The following ATM variants were observed in gnomAD, a reference collection of about 807,000 sequenced individuals.
ATM encodes the protein ATM serine/threonine kinase, also known as serine-protein kinase ATM.
A neutral mutation model predicts 387.0 loss-of-function variants in ATM; 308 were observed. The observed-to-expected ratio is 0.80, with a 90% CI of 0.73 to 0.87. The LOEUF is 0.87. Among genes scored for constraint, ATM ranks in the 40% least tolerant of loss-of-function variants. ATM has a pLI of 0.00. For synonymous variants in ATM, 1,156 were observed against 1,187.3 expected (o/e 0.97, Z 0.54); for missense variants, 3,312 against 3,560.9 (o/e 0.93, Z 1.78).
intron 33 of ATM, among the ~76,000 whole-genome samples, chr11:108,297,967 C>T (rs1053788908): frequency 1.3e-5 from 2 of 151,904 alleles, no homozygotes; most frequent in Non-Finnish European, 2.9e-5. Context: ...AATTGACTGC[C>T]GATATATTTT....
chr11:108,292,092 A>G (rs576837462), intron 29 of ATM, among the ~76,000 whole-genome samples: 55 of 152,304 alleles, frequency 3.6e-4, no homozygotes, highest in African/African-American at 1.3e-3. Context: ...GTTAAACAAA[A>G]CAGAGCTACG....
In ATM at chr11:108,367,224, T is replaced by TG. The variant is rs2091377668; in HGVS notation, c.*1717dup. ...GGATGGTCTCGATCGCTTGACCTCG[T>TG]GATCCACCCTCCTCGGCCTCCCAAA... On this transcript the variant is annotated 3_prime_UTR_variant, in exon 63 of 63. Coordinates refer to ENST00000675843, the MANE Select transcript of ATM (RefSeq NM_000051.4). 1 of 178,680 alleles carries TG rather than the reference T, an allele frequency of 5.6e-6. No individual in the cohort carries two copies. Among genetic ancestry groups the TG allele is most frequent in the African/African-American group, 2.4e-5 (1 of 42,294 alleles). The allele number at this position is 178,680 out of a possible 1,614,324, so 11.1% of individuals were successfully genotyped here. A position where few individuals can be genotyped will look rare whatever the true frequency, so the allele number is the denominator to read the frequency against.
At chr11:108,286,999 C>G (rs1268921582) in intron 26 of ATM, among the ~76,000 whole-genome samples, 1 of 152,042 alleles carries the variant, frequency 6.6e-6, no homozygotes, top group Non-Finnish European at 1.5e-5. Flanking sequence ...GTGAAGCTAC[C>G]TGTCTATAGT....
chr11:108,332,139 C>T (rs1261720941), intron 52 of ATM, 102 bp downstream of exon 52: 4 of 1,459,522 alleles, frequency 2.7e-6, no homozygotes, highest in Non-Finnish European at 3.7e-6. Context: ...CATCTAAAAT[C>T]GGTTCAAGGC....
intron 26 of ATM, 59 bp from the exon 27 acceptor site, chr11:108,287,541 C>A: frequency 9.0e-7 from 1 of 1,111,282 alleles, no homozygotes; most frequent in Non-Finnish European, 1.3e-6. Context: ...GCCTTTTGAG[C>A]TGTCTTGACG....
Position 108,317,102 on chromosome 11 carries a change from T to TAA in ATM, c.6199-271_6199-270insAA, listed in dbSNP as rs113573757. Among the ~76,000 whole-genome samples, 269 of 144,548 alleles carry TAA rather than the reference T, an allele frequency of 1.9e-3. 1 individual carries two copies. Among genetic ancestry groups the TAA allele is most frequent in the Middle Eastern group, 3.6e-3 (1 of 278 alleles). 94.8% of individuals were successfully genotyped at this position (144,548 alleles called of 152,430 possible). On this transcript the variant is annotated intron_variant, in intron 42 of 62. Coordinates refer to ENST00000675843, the MANE Select transcript of ATM (RefSeq NM_000051.4). ...GTACACACTACCATACCCAGCTATT[T>TAA]TAAAAAAAAAAAAAAATTGTAGAGA...
chr11:108,364,203 T>C (rs1258560116), intron 61 of ATM, among the ~76,000 whole-genome samples: 1 of 152,200 alleles, frequency 6.6e-6, no homozygotes, highest in Non-Finnish European at 1.5e-5. Context: ...AGAAACTGTA[T>C]ACAGATAGCA....
In ATM at chr11:108,333,915, A is replaced by T. The variant is rs747448699; in HGVS notation, c.7957A>T (p.Ile2653Phe). The T allele has an allele frequency of 6.2e-7, 1 of 1,611,228 alleles. No individual in the cohort carries two copies. The highest frequency in any genetic ancestry group is 1.3e-5 in the African/African-American group (1 of 74,856). The stretch of plus-strand genomic sequence containing the variant: ...CATAAATATTCCAGCAGACCAGCCA[A>T]TTACTAAACTTAAGAATTTAGAAGA... ...KGINIPADQP[I>F]TKLKNLEDVV... Residue 2653 changes from isoleucine (I) to phenylalanine (F), a missense_variant, in exon 54 of 63, where the codon ATT becomes TTT. Coordinates refer to ENST00000675843, the MANE Select transcript of ATM (RefSeq NM_000051.4).
intron 7 of ATM, among the ~76,000 whole-genome samples, chr11:108,245,395 A>G (rs1193100004): frequency 1.3e-5 from 2 of 152,190 alleles, no homozygotes; most frequent in African/African-American, 4.8e-5. Context: ...TATTACTTTT[A>G]TTAGAAGATA....
intron 39 of ATM, 57 bp downstream of exon 39, chr11:108,310,372 G>T (rs906718192): frequency 6.6e-7 from 1 of 1,507,244 alleles, no homozygotes. Flanking sequence ...GTCTCAATAA[G>T]GGTATATAGT....
intron 61 of ATM, among the ~76,000 whole-genome samples, chr11:108,359,255 A>T (rs2090415397): frequency 6.6e-6 from 1 of 151,698 alleles, no homozygotes; most frequent in African/African-American, 2.4e-5. Context: ...ACTATCCTAA[A>T]TATATATGCA....
chr11:108,332,798 A>G lies in ATM; in HGVS notation c.7825A>G (p.Ile2609Val), dbSNP rs779400418. ...TEAANRIICT[I>V]RSRRPQMVRS... The stretch of plus-strand genomic sequence containing the variant: ...GGCTGCAAATAGAATAATATGTACT[A>G]TCAGAAGTAGGAGACCTCAGATGGT... Residue 2609 changes from isoleucine to valine, a missense_variant, in exon 53 of 63, where the codon ATC (isoleucine) becomes GTC (valine). Coordinates refer to ENST00000675843, the MANE Select transcript of ATM (RefSeq NM_000051.4). The G allele has an allele frequency of 2.5e-6, 4 of 1,613,454 alleles. No individual in the cohort carries two copies. The highest frequency in any genetic ancestry group is 1.7e-4 in the Middle Eastern group (1 of 6,042).
At chr11:108,328,207 A>G (rs900811022) in intron 48 of ATM, among the ~76,000 whole-genome samples, 3 of 152,144 alleles carry the variant, frequency 2.0e-5, no homozygotes, top group Admixed American at 6.6e-5. Context: ...TTACCTCACT[A>G]AATAAGTGTA....
intron 59 of ATM, among the ~76,000 whole-genome samples, chr11:108,348,426 TATATAAG>T (rs1270580482): frequency 6.8e-6 from 1 of 147,372 alleles, no homozygotes. Context: ...GACAGTTTAA[TATATAAG>T]AAAGAAAGAA....
chr11:108,245,889 A>G (rs1159107462), intron 7 of ATM, among the ~76,000 whole-genome samples: 1 of 150,260 alleles, frequency 6.7e-6, no homozygotes, highest in African/African-American at 2.5e-5. Context: ...CAGTGACGCA[A>G]TGTTAGCTCA....
At chr11:108,254,182 A>G (rs2080329161) in intron 13 of ATM, 143 bp downstream of exon 13, 1 of 700,828 alleles carries the variant, frequency 1.4e-6, no homozygotes, top group Admixed American at 2.7e-5. Flanking sequence ...AGGGCTCTAA[A>G]TTGGACAACT....
chr11:108,276,211 G>A (rs1324014693), intron 22 of ATM, among the ~76,000 whole-genome samples: 1 of 152,136 alleles, frequency 6.6e-6, no homozygotes, highest in East Asian at 1.9e-4. Flanking sequence ...AGCTCCATCA[G>A]GTCATTTATG....
At position 108,233,240 on chromosome 11, in the gene ATM, C is replaced by T. The variant is rs560346641; in HGVS notation, c.332-2430C>T. Among the ~76,000 whole-genome samples the T allele has an allele frequency of 1.1e-4, 17 of 152,168 alleles. No individual in the cohort carries two copies. The East Asian group carries it at 2.3e-3, about 21-fold the overall frequency. Reference sequence around the variant, plus strand: ...GTCTAGATAGTGCAAAACTCAGCTGCGAAAAATGTTAAGTTCCATAAGATT... The same window carrying T: ...GTCTAGATAGTGCAAAACTCAGCTGTGAAAAATGTTAAGTTCCATAAGATT... On this transcript the variant is annotated intron_variant, in intron 4 of 62. Coordinates refer to ENST00000675843, the MANE Select transcript of ATM (RefSeq NM_000051.4).
At chr11:108,267,367 AT>A in intron 17 of ATM, 25 bp downstream of exon 17, 3 of 1,609,882 alleles carry the variant, frequency 1.9e-6, no homozygotes, top group East Asian at 2.2e-5. Context: ...ACTACTTGGG[AT>A]TTCTTTTACT....
Sources: allele counts gnomAD v4.1 joint callset (sites outside exome capture counted in the v4.1 genomes callset), GRCh38; gene constraint gnomAD v4.1.1; transcripts MANE v1.5; gene names NCBI Gene and HGNC (gene_info 2026-07-23, HGNC 2026-07-21).